NR4A1: variants seen among roughly 807,000 people sequenced by gnomAD.
NR4A1 encodes nuclear receptor subfamily 4immunitygroup A member 1.
In NR4A1, 24 loss-of-function variants were observed where a neutral mutation model predicts 47.5. The ratio of observed to expected loss-of-function variants is 0.50; its 90% CI spans 0.37 to 0.71. NR4A1 has a LOEUF of 0.71. Ranked by LOEUF, NR4A1 falls within the 30% of genes least tolerant of loss-of-function variation. The pLI is 0.00. For missense variants in NR4A1, 669 were observed against 788.6 expected, an observed-to-expected ratio of 0.85 and a Z score of 1.82; for synonymous variants, 353 against 345.7, an observed-to-expected ratio of 1.02 and a Z score of -0.24.
chr12:52,052,530 G>A (rs982420126), intron 1 of NR4A1: 2 of 985,286 alleles, frequency 2.0e-6, no homozygotes, highest in Non-Finnish European at 2.4e-6. Context: ...CAGCAGAACA[G>A]GTGCAAGCCA....
At chr12:52,051,281 C>A, upstream of NR4A1, 1 of 367,118 alleles carries the variant, frequency 2.7e-6, no homozygotes, top group Non-Finnish European at 3.8e-6. Flanking sequence ...CCCCCTCGGG[C>A]TCCCCGGGCC....
intron 4 of NR4A1, 75 bp downstream of exon 4, chr12:52,056,720 T>C: frequency 8.1e-7 from 1 of 1,229,002 alleles, no homozygotes; most frequent in Non-Finnish European, 1.1e-6. Context: ...TTAGGAGAGC[T>C]ACCCCCTCTG....
chr12:52,054,169 T>G (rs1254920520), intron 1 of NR4A1, 158 bp from the exon 2 acceptor site: 1 of 639,996 alleles, frequency 1.6e-6, no homozygotes, highest in African/African-American at 1.8e-5. Context: ...AGGCCAGGGG[T>G]CAGGATTCCT....
chr12:52,041,093 G>A (rs1000171641), intron 1 of NR4A1, among the ~76,000 whole-genome samples: 8 of 152,186 alleles, frequency 5.3e-5, no homozygotes, highest in African/African-American at 1.9e-4. Context: ...GTTGGGGCTA[G>A]CTTTTATGTG....
At chr12:52,052,501 G>T in intron 1 of NR4A1, 2 of 985,386 alleles carry the variant, frequency 2.0e-6, no homozygotes, top group Non-Finnish European at 2.4e-6. Flanking sequence ...TACAGGTAGG[G>T]TGCAGCCTGA....
chr12:52,029,847 C>T (rs747106583), intron 1 of NR4A1, among the ~76,000 whole-genome samples: 6 of 152,214 alleles, frequency 3.9e-5, no homozygotes, highest in Non-Finnish European at 7.3e-5. Flanking sequence ...GGGTTGTCAC[C>T]GGTAACCAGA....
Position 52,058,998 on chromosome 12 carries a change from G to T in NR4A1, c.*54G>T. ...CGCACTCTCATATGCCACCCCATGT[G>T]CCTTTAGTCCACGGACCCCCAGAGC... On this transcript the variant is annotated 3_prime_UTR_variant, in exon 7 of 7. Transcript: ENST00000394825. The T allele has an allele frequency of 6.4e-7, 1 of 1,558,932 alleles. No individual in the cohort carries two copies.
At chr12:52,046,977 C>A (rs1020434746), upstream of NR4A1, among the ~76,000 whole-genome samples, 9 of 151,966 alleles carry the variant, frequency 5.9e-5, no homozygotes, top group Non-Finnish European at 8.8e-5. Flanking sequence ...TATATGGGGT[C>A]GGTGGGGAAC....
chr12:52,033,057 T>A (rs1414806984), intron 1 of NR4A1, among the ~76,000 whole-genome samples: 1 of 152,190 alleles, frequency 6.6e-6, no homozygotes, highest in Non-Finnish European at 1.5e-5. Flanking sequence ...GCCAATGGTG[T>A]GCAGGGGTGT....
chr12:52,032,958 C>A (rs567092888), intron 1 of NR4A1, among the ~76,000 whole-genome samples: 2 of 152,224 alleles, frequency 1.3e-5, no homozygotes, highest in African/African-American at 4.8e-5. Flanking sequence ...CCAATGACGT[C>A]TATTCGCCTG....
Position 52,059,138 on chromosome 12 carries a change from C to A in NR4A1, c.*194C>A. On this transcript the variant is annotated 3_prime_UTR_variant, in exon 7 of 7. Transcript: ENST00000394825. ...GGATGCCTTCATGGGGGTGACCCCA[C>A]GATTTGTCTTATCCCCCCCAGCCTG... 2.9e-6 allele frequency: 2 copies of A among 680,874 alleles called. No homozygotes were observed. Among genetic ancestry groups the A allele is most frequent in the Non-Finnish European group, 4.8e-6 (2 of 417,460 alleles). 42.2% of individuals were successfully genotyped at this position (680,874 alleles called of 1,614,324 possible).
Position 52,052,305 on chromosome 12 carries a change from G to GTGAGAA in NR4A1, c.-3+737_-3+738insTGAGAA, listed in dbSNP as rs1555168680. On this transcript the variant is annotated intron_variant, in intron 1 of 6. Transcript: ENST00000394825. ...TGTGTGTGTGTGTGTGTGTGTGTGTGAGAGAGAGAGAGAGAGAGAGAGAAA... is the reference window on the plus strand; with the variant it reads ...TGTGTGTGTGTGTGTGTGTGTGTGTGTGAGAAAGAGAGAGAGAGAGAGAGAGAGAAA... Among the ~76,000 whole-genome samples, 4 of 111,638 alleles carry GTGAGAA rather than the reference G, an allele frequency of 3.6e-5. No individual in the cohort carries two copies. In the South Asian group the frequency reaches 1.2e-3, roughly 32 times the overall value. 73.2% of individuals were successfully genotyped at this position (111,638 alleles called of 152,430 possible). A position where few individuals can be genotyped will look rare whatever the true frequency, so the allele number is the denominator to read the frequency against.
chr12:52,041,053 G>A (rs1938415495), intron 1 of NR4A1, among the ~76,000 whole-genome samples: 1 of 152,150 alleles, frequency 6.6e-6, no homozygotes, highest in African/African-American at 2.4e-5. Context: ...GAGGCCAGGT[G>A]CCCAGGGTAC....
intron 1 of NR4A1, among the ~76,000 whole-genome samples, chr12:52,033,081 G>C (rs1938161059): frequency 6.6e-6 from 1 of 152,234 alleles, no homozygotes; most frequent in Admixed American, 6.5e-5. Flanking sequence ...CCGAGCCGCA[G>C]CTCTGCGCCG....
intron 4 of NR4A1, 195 bp downstream of exon 4, chr12:52,056,840 T>A (rs560134392): frequency 1.2e-6 from 1 of 815,150 alleles, no homozygotes; most frequent in Non-Finnish European, 1.9e-6. Flanking sequence ...GATGGGAAAA[T>A]GCACCCCCTC....
chr12:52,028,283 C>T (rs973829020), intron 1 of NR4A1, among the ~76,000 whole-genome samples: 2 of 151,166 alleles, frequency 1.3e-5, no homozygotes, highest in Non-Finnish European at 2.9e-5. Flanking sequence ...CTTTAAGATA[C>T]CTGCTTAAGG....
intron 1 of NR4A1, among the ~76,000 whole-genome samples, chr12:52,034,783 A>G (rs931106565): frequency 5.2e-4 from 79 of 152,268 alleles, no homozygotes; most frequent in African/African-American, 1.9e-3. Flanking sequence ...TATTCCCAAT[A>G]AACATACTGG....
chr12:52,054,935 G>T lies in NR4A1; in HGVS notation c.607G>T (p.Ala203Ser), dbSNP rs199672964. ...SPPTGPSPSL[A>S]QSPLKLFPSQ... ...TCCCACCGGCCCCAGCCCCAGCCTG[G>T]CCCAGAGCCCCCTGAAGTTGTTCCC... Residue 203 changes from alanine to serine, a missense_variant, in exon 2 of 7, where the codon GCC becomes TCC. Ala to Ser is a moderately conservative substitution (Grantham distance 99). Coordinates refer to ENST00000394825, the MANE Select transcript of NR4A1 (RefSeq NM_173157.3). 1.7e-5 allele frequency: 28 copies of T among 1,614,142 alleles called. No homozygotes were observed. The East Asian group carries it at 6.0e-4, about 35-fold the overall frequency.
chr12:52,048,667 G>C (rs115878010), upstream of NR4A1, among the ~76,000 whole-genome samples: 366 of 152,264 alleles, frequency 2.4e-3, 1 homozygote, highest in African/African-American at 8.4e-3. Context: ...GGCAAAGTGG[G>C]TGCTAGGTGA....
Sources: allele counts gnomAD v4.1 joint callset (sites outside exome capture counted in the v4.1 genomes callset), GRCh38; gene constraint gnomAD v4.1.1; transcripts MANE v1.5; gene names NCBI Gene and HGNC (gene_info 2026-07-23, HGNC 2026-07-21).